The following STOX2 variants were observed in gnomAD, a reference collection of about 807,000 sequenced individuals.
STOX2 encodes storkhead-box protein 2.
In STOX2, 28 loss-of-function variants were observed where a neutral mutation model predicts 60.9. That is an observed-to-expected ratio of 0.46 (90% CI 0.34 to 0.63). STOX2 has a LOEUF of 0.63. STOX2 is among the 30% of genes least tolerant of loss of function. The pLI, the probability that STOX2 is intolerant of heterozygous loss-of-function variation, is 0.01. For missense variants in STOX2, 1,024 were observed against 1,187.7 expected (o/e 0.86, Z 2.03); for synonymous variants, 472 against 463.9 (o/e 1.02, Z -0.22).
chr4:183,906,743 C>G lies in STOX2; in HGVS notation c.-48C>G. The G allele has an allele frequency of 6.9e-7, 1 of 1,459,682 alleles. No homozygotes were observed. Among genetic ancestry groups the G allele is most frequent in the South Asian group, 1.4e-5 (1 of 72,438 alleles). The allele number at this position is 1,459,682 out of a possible 1,614,324, so 90.4% of individuals were successfully genotyped here. ...GACGGATGAAGGAGCGCGCTGCGCC[C>G]CGGCGCTGAGGCCCCGAGGATCGGG... is the stretch of plus-strand genomic sequence containing the variant. On this transcript the variant is annotated 5_prime_UTR_variant, in exon 1 of 4. Transcript: ENST00000308497.
chr4:183,805,045 T>C (rs1382544930), intron 1 of STOX2, among the ~76,000 whole-genome samples: 1 of 152,200 alleles, frequency 6.6e-6, no homozygotes. Flanking sequence ...AGTATTTAGA[T>C]GCTTTCTGTT....
At chr4:183,843,743 T>A (rs1277564612) in intron 1 of STOX2, among the ~76,000 whole-genome samples, 1 of 152,238 alleles carries the variant, frequency 6.6e-6, no homozygotes, top group Non-Finnish European at 1.5e-5. Context: ...CTTTTTCTTC[T>A]TTGAGTTTTA....
At chr4:183,854,514 T>C (rs1740239842) in intron 1 of STOX2, among the ~76,000 whole-genome samples, 1 of 152,194 alleles carries the variant, frequency 6.6e-6, no homozygotes. Context: ...ACTAGATTCA[T>C]GGCAGGGGGC....
intron 1 of STOX2, among the ~76,000 whole-genome samples, chr4:184,000,754 C>T (rs1250256792): frequency 8.0e-6 from 1 of 125,142 alleles, no homozygotes; most frequent in Non-Finnish European, 1.8e-5. Context: ...CGACTCTCAG[C>T]ACCCAGGTGT....
intron 1 of STOX2, among the ~76,000 whole-genome samples, chr4:183,830,371 G>A (rs948685286): frequency 5.9e-5 from 9 of 152,222 alleles, no homozygotes; most frequent in Admixed American, 5.2e-4. Flanking sequence ...TGCACTGAGA[G>A]TTTGCTACTA....
chr4:183,880,480 G>A (rs545820802), intron 1 of STOX2, among the ~76,000 whole-genome samples: 3 of 152,186 alleles, frequency 2.0e-5, no homozygotes, highest in African/African-American at 7.2e-5. Flanking sequence ...TTTGCAGAAC[G>A]ATTGATTGAA....
At chr4:183,838,295 A>G (rs1201379215) in intron 1 of STOX2, among the ~76,000 whole-genome samples, 1 of 151,204 alleles carries the variant, frequency 6.6e-6, no homozygotes, top group East Asian at 1.9e-4. Context: ...ATAATTCAAT[A>G]CATATATTGA....
intron 1 of STOX2, among the ~76,000 whole-genome samples, chr4:183,956,110 C>G (rs1743240339): frequency 6.6e-6 from 1 of 152,206 alleles, no homozygotes; most frequent in Non-Finnish European, 1.5e-5. Flanking sequence ...TGAGAGGTAA[C>G]TGTATTAGAT....
chr4:183,926,397 T>C (rs1335752100), intron 1 of STOX2, among the ~76,000 whole-genome samples: 10 of 152,232 alleles, frequency 6.6e-5, no homozygotes, highest in Non-Finnish European at 2.9e-5. Context: ...TTTCCACTTA[T>C]TGAGGCCCTC....
At chr4:183,869,250 A>G (rs992865867) in intron 1 of STOX2, among the ~76,000 whole-genome samples, 1 of 152,254 alleles carries the variant, frequency 6.6e-6, no homozygotes, top group African/African-American at 2.4e-5. Context: ...TAAAGAAAAT[A>G]CAAACCACCA....
intron 1 of STOX2, among the ~76,000 whole-genome samples, chr4:184,000,843 A>T (rs1472064144): frequency 1.3e-5 from 2 of 152,242 alleles, no homozygotes; most frequent in African/African-American, 4.8e-5. Flanking sequence ...CCACTTAAAT[A>T]GAAACTGAGG....
At chr4:183,866,885 GACAAACAA>G (rs548431375) in intron 1 of STOX2, among the ~76,000 whole-genome samples, 63 of 152,172 alleles carry the variant, frequency 4.1e-4, no homozygotes, top group Non-Finnish European at 6.9e-4. Flanking sequence ...TCTCAAAACA[GACAAACAA>G]ACAAACAAAC....
chr4:183,798,880 T>C (rs2111088142), intron 1 of STOX2: 1 of 595,030 alleles, frequency 1.7e-6, no homozygotes, highest in South Asian at 6.8e-5. Context: ...TTTTGAGTTT[T>C]GTACTTTGGG....
In STOX2 at chr4:184,010,881, C is replaced by A. The variant is rs764016420; in HGVS notation, c.2043C>A (p.Val681=). Reference sequence around the variant, plus strand: ...AAGGGATCGCCAACGGACGCCTCGTCCAGCACCATGGTGCCGAGCCCAGCA... The same window carrying A: ...AAGGGATCGCCAACGGACGCCTCGTACAGCACCATGGTGCCGAGCCCAGCA... ...VAEGIANGRL[V]QHHGAEPSSL... The change falls in exon 3 of 4, where the codon GTC becomes GTA. Residue 681 remains valine (V), a synonymous_variant. Coordinates refer to ENST00000308497, the MANE Select transcript of STOX2 (RefSeq NM_020225.3). This position sits in a 1 kb window ranked among gnomAD's most constrained non-coding sequence, Gnocchi z 4.5. The A allele has an allele frequency of 6.2e-7, 1 of 1,612,010 alleles. No homozygotes were observed. The highest frequency in any genetic ancestry group is 2.2e-5 in the East Asian group (1 of 44,838).
chr4:183,852,796 G>A (rs1278642579), intron 1 of STOX2, among the ~76,000 whole-genome samples: 6 of 152,198 alleles, frequency 3.9e-5, no homozygotes, highest in Non-Finnish European at 5.9e-5. Flanking sequence ...GTAAGGGTGC[G>A]TCAGCGTAAG....
At chr4:183,904,984 C>T (rs191040845), upstream of STOX2, among the ~76,000 whole-genome samples, 11 of 152,320 alleles carry the variant, frequency 7.2e-5, no homozygotes, top group East Asian at 2.1e-3. Context: ...TGATTTTGAA[C>T]GTTGCATTGT....
chr4:183,961,523 C>G lies in STOX2; in HGVS notation c.167-39802C>G, dbSNP rs115499439. Among the ~76,000 whole-genome samples the G allele has an allele frequency of 4.4e-3, 668 of 152,280 alleles. 4 individuals carry two copies. Among genetic ancestry groups the G allele is most frequent in the African/African-American group, 0.015 (635 of 41,570 alleles). On this transcript the variant is annotated intron_variant, in intron 1 of 3. Coordinates refer to ENST00000308497, the MANE Select transcript of STOX2 (RefSeq NM_020225.3). ...CCAGCTAGCAAGAATCTGTAGCCAG[C>G]TTTGCAGCGCTTCACCCTTGCTTTA...
chr4:183,872,685 G>T (rs1740722191), intron 1 of STOX2, among the ~76,000 whole-genome samples: 1 of 152,202 alleles, frequency 6.6e-6, no homozygotes, highest in Non-Finnish European at 1.5e-5. Context: ...TGTTGCTAGG[G>T]TAAGCGTGCT....
chr4:183,951,098 C>T (rs1007069642), intron 1 of STOX2, among the ~76,000 whole-genome samples: 38 of 151,648 alleles, frequency 2.5e-4, no homozygotes, highest in African/African-American at 8.0e-4. Flanking sequence ...CGCCTGTAGT[C>T]CCAGCTACTC....
Sources: allele counts gnomAD v4.1 joint callset (sites outside exome capture counted in the v4.1 genomes callset), GRCh38; gene constraint gnomAD v4.1.1; non-coding constraint Gnocchi (gnomAD v3.1); transcripts MANE v1.5; gene names NCBI Gene and HGNC (gene_info 2026-07-23, HGNC 2026-07-21).